The following ITPR1 variants were observed in gnomAD, a reference collection of about 807,000 sequenced individuals.
ITPR1 encodes the protein inositol 1,4,5-trisphosphate receptor type 1, also known as inositol 1,4,5-trisphosphate-gated calcium channel ITPR1.
ITPR1 carries 96 observed loss-of-function variants against 318.4 expected under a neutral mutation model. The ratio of observed to expected loss-of-function variants is 0.30; its 90% CI spans 0.26 to 0.36. The LOEUF (loss-of-function observed/expected upper bound fraction) is 0.36, where lower values mean the gene tolerates loss of function less well. ITPR1 is among the 10% of genes least tolerant of loss of function. ITPR1 has a pLI of 1.00. For missense variants in ITPR1, 2,440 were observed against 3,460.2 expected (o/e 0.71, Z 7.40); for synonymous variants, 1,312 against 1,289.9 (o/e 1.02, Z -0.37).
At chr3:4,531,166 G>A (rs1460257389) in intron 4 of ITPR1, among the ~76,000 whole-genome samples, 3 of 152,134 alleles carry the variant, frequency 2.0e-5, no homozygotes, top group East Asian at 1.9e-4. Context: ...ACCACACAGT[G>A]TCTGCCACTT....
intron 20 of ITPR1, 40 bp downstream of exon 20, chr3:4,670,966 A>C (rs779998853): frequency 5.8e-6 from 8 of 1,390,302 alleles, no homozygotes; most frequent in Non-Finnish European, 7.7e-6. Context: ...GGGGTGCCCC[A>C]AAACAGTGGC....
chr3:4,803,818 A>G (rs903308126), intron 54 of ITPR1, among the ~76,000 whole-genome samples: 1 of 152,192 alleles, frequency 6.6e-6, no homozygotes, highest in Non-Finnish European at 1.5e-5. Flanking sequence ...ATTTACAACA[A>G]CATAAGCTGG....
chr3:4,554,577 G>C (rs1368016630), intron 4 of ITPR1, among the ~76,000 whole-genome samples: 1 of 152,112 alleles, frequency 6.6e-6, no homozygotes, highest in Non-Finnish European at 1.5e-5. Flanking sequence ...AGGGTGGCAG[G>C]CAGGCTGGTT....
At chr3:4,549,229 G>A (rs759361086) in intron 4 of ITPR1, among the ~76,000 whole-genome samples, 19 of 152,178 alleles carry the variant, frequency 1.2e-4, no homozygotes, top group Admixed American at 4.6e-4. Flanking sequence ...ATAGACAAAT[G>A]CACTGACAGG....
At chr3:4,782,048 T>C (rs2046872242) in intron 49 of ITPR1, among the ~76,000 whole-genome samples, 1 of 152,228 alleles carries the variant, frequency 6.6e-6, no homozygotes, top group African/African-American at 2.4e-5. Flanking sequence ...TTTGAAAGAA[T>C]GTTAAACACC....
In ITPR1 at chr3:4,641,605, G is replaced by A. The variant is rs557125831; in HGVS notation, c.367-488G>A. On this transcript the variant is annotated intron_variant, in intron 6 of 61. Transcript: ENST00000649015. ...CGCCCAGGCTTGTCTCAAACTCCTG[G>A]GCTCAAGCAGTCCTTCTGCCTCTGC... Among the ~76,000 whole-genome samples the A allele has an allele frequency of 2.0e-5, 3 of 152,282 alleles. No homozygotes were observed. The East Asian group carries it at 5.8e-4, about 29-fold the overall frequency.
At chr3:4,606,966 T>C (rs574521832) in intron 4 of ITPR1, among the ~76,000 whole-genome samples, 2 of 152,266 alleles carry the variant, frequency 1.3e-5, no homozygotes, top group Non-Finnish European at 2.9e-5. Context: ...ATGGGGGAGA[T>C]GTTTTAAAGG....
chr3:4,641,427 A>C (rs2093336051), intron 6 of ITPR1, among the ~76,000 whole-genome samples: 1 of 152,106 alleles, frequency 6.6e-6, no homozygotes, highest in Admixed American at 6.6e-5. Flanking sequence ...CCCAAGCTGG[A>C]GTACAGTGGT....
At chr3:4,752,969 C>A (rs2044657553) in intron 44 of ITPR1, among the ~76,000 whole-genome samples, 1 of 152,198 alleles carries the variant, frequency 6.6e-6, no homozygotes, top group African/African-American at 2.4e-5. Flanking sequence ...ATCAGAGCTT[C>A]AGAGAAGTGT....
intron 49 of ITPR1, among the ~76,000 whole-genome samples, chr3:4,780,167 T>C (rs191251653): frequency 2.0e-5 from 3 of 152,242 alleles, no homozygotes; most frequent in African/African-American, 7.2e-5. Flanking sequence ...CTTTGAAGAC[T>C]AGATGAGAAG....
Position 4,663,196 on chromosome 3 carries a change from T to A in ITPR1, c.1544T>A (p.Ile515Asn). 6.2e-7 allele frequency: 1 copy of A among 1,612,058 alleles called. No homozygotes were observed. The highest frequency in any genetic ancestry group is 1.3e-5 in the African/African-American group (1 of 74,954). ...ERQKLMREQN[I>N]LKQIFKLLQA... ...CAGAAACTGATGAGAGAACAGAATA[T>A]TCTCAAGCAGGTCGGTGAGATGTGG... The change falls in exon 16 of 62, where the codon ATT becomes AAT. Residue 515 changes from isoleucine (I) to asparagine (N), a missense_variant. Coordinates refer to ENST00000649015, the MANE Select transcript of ITPR1 (RefSeq NM_001378452.1).
At chr3:4,685,260 G>C in intron 30 of ITPR1, 54 bp downstream of exon 30, 3 of 1,518,610 alleles carry the variant, frequency 2.0e-6, no homozygotes, top group Non-Finnish European at 1.8e-6. Context: ...GGATCCCTGG[G>C]TTTCCCCAAA....
In ITPR1 at chr3:4,800,136, G is replaced by A. The variant is rs572212639; in HGVS notation, c.6932-289G>A. ...AGGGAACTCCTGACATGTTTTTGTG[G>A]GGAGGAAGGGGATTGGGGGAGGCTT... On this transcript the variant is annotated intron_variant, in intron 53 of 61. Transcript: ENST00000649015. 4.8e-4 allele frequency: 201 copies of A among 418,314 alleles called. 5 individuals are homozygous for A. In the South Asian group the frequency reaches 6.4e-3, roughly 13 times the overall value. 25.9% of individuals were successfully genotyped at this position (418,314 alleles called of 1,614,324 possible).
chr3:4,677,502 C>T (rs1052614907), intron 24 of ITPR1, among the ~76,000 whole-genome samples: 1 of 152,088 alleles, frequency 6.6e-6, no homozygotes, highest in Non-Finnish European at 1.5e-5. Context: ...ACACAGATAT[C>T]TTGGGAAAGG....
intron 12 of ITPR1, among the ~76,000 whole-genome samples, chr3:4,657,829 A>G (rs1052263630): frequency 6.0e-5 from 9 of 149,832 alleles, no homozygotes; most frequent in East Asian, 2.0e-4. Flanking sequence ...CTGGTCTTGA[A>G]CTCCAGACCT....
At chr3:4,568,021 A>G (rs2087550954) in intron 4 of ITPR1, among the ~76,000 whole-genome samples, 1 of 152,200 alleles carries the variant, frequency 6.6e-6, no homozygotes, top group South Asian at 2.1e-4. Flanking sequence ...GTATGTGGTC[A>G]CTGATTTGAA....
chr3:4,607,350 G>C (rs568003254), intron 4 of ITPR1, among the ~76,000 whole-genome samples: 16 of 152,270 alleles, frequency 1.1e-4, no homozygotes, highest in Admixed American at 2.0e-4. Flanking sequence ...TCAGAGTGTG[G>C]TTGCAGGGCC....
rs750144735 is a variant in ITPR1, at chr3:4,829,693, T to C, written c.8029-7081T>C. 3.9e-4 allele frequency among the ~76,000 whole-genome samples: 60 copies of C among 152,308 alleles called. No individual in the cohort carries two copies. In the Middle Eastern group the frequency reaches 0.014, roughly 35 times the overall value. ...TTTGTTAAGATTTGATATGCCAATA[T>C]TGGATACATTGATATTAATGTCCCT... On this transcript the variant is annotated intron_variant, in intron 60 of 61. Coordinates refer to ENST00000649015, the MANE Select transcript of ITPR1 (RefSeq NM_001378452.1).
chr3:4,609,418 C>G (rs578198184), intron 4 of ITPR1, among the ~76,000 whole-genome samples: 7 of 152,012 alleles, frequency 4.6e-5, no homozygotes, highest in Non-Finnish European at 1.0e-4. Context: ...GGTATATACA[C>G]GACGTTTTTG....
Sources: gnomAD v4.1 joint callset for allele counts (sites outside exome capture counted in the v4.1 genomes callset) on GRCh38, gnomAD v4.1.1 for gene constraint, MANE v1.5 for transcripts, NCBI Gene and HGNC (gene_info 2026-07-23, HGNC 2026-07-21) for gene names.